The following ROBO1 variants were observed in gnomAD, a reference collection of about 807,000 sequenced individuals.
The protein encoded by ROBO1 is roundabout guidance receptor 1.
ROBO1 carries 149 observed loss-of-function variants against 195.9 expected under a neutral mutation model. That is an observed-to-expected ratio of 0.76 (90% CI 0.67 to 0.87). ROBO1 has a LOEUF of 0.87. Among genes scored for constraint, ROBO1 ranks in the 40% least tolerant of loss-of-function variants. The pLI is 0.00. For synonymous variants in ROBO1, 816 were observed against 733.2 expected (o/e 1.11, Z -1.82); for missense variants, 1,933 against 2,068.3 (o/e 0.93, Z 1.27).
At chr3:78,938,412 T>C in intron 4 of ROBO1, 189 bp downstream of exon 4, 1 of 552,770 alleles carries the variant, frequency 1.8e-6, no homozygotes, top group South Asian at 2.5e-5. Context: ...AAATACCAAT[T>C]TAGCTTGAAT....
intron 2 of ROBO1, among the ~76,000 whole-genome samples, chr3:79,499,098 G>T (rs1483087049): frequency 6.6e-6 from 1 of 152,052 alleles, no homozygotes; most frequent in African/African-American, 2.4e-5. Flanking sequence ...CGGTTCAAGG[G>T]ATTCTCTTGC....
At chr3:79,467,872 C>G (rs927814851) in intron 2 of ROBO1, among the ~76,000 whole-genome samples, 3 of 152,322 alleles carry the variant, frequency 2.0e-5, no homozygotes, top group South Asian at 2.1e-4. Context: ...CCTGCTCCCC[C>G]TCCTGTAAGG....
chr3:79,105,997 G>A (rs1342313428), intron 3 of ROBO1, among the ~76,000 whole-genome samples: 1 of 151,698 alleles, frequency 6.6e-6, no homozygotes, highest in Non-Finnish European at 1.5e-5. Flanking sequence ...GTAAGGTAAT[G>A]TATATATTGA....
chr3:79,610,377 TCTCTCC>T (rs1944620760), intron 1 of ROBO1, among the ~76,000 whole-genome samples: 1 of 151,668 alleles, frequency 6.6e-6, no homozygotes, highest in Non-Finnish European at 1.5e-5. Flanking sequence ...TCTCTCTTTC[TCTCTCC>T]CTCTCTCTCT....
chr3:78,651,781 G>T lies in ROBO1; in HGVS notation c.2763C>A (p.His921Gln). 1.2e-6 allele frequency: 2 copies of T among 1,613,526 alleles called. No individual in the cohort carries two copies. Among genetic ancestry groups the T allele is most frequent in the South Asian group, 2.2e-5 (2 of 91,060 alleles). Residue 921 changes from histidine (H) to glutamine (Q), a missense_variant, in exon 19 of 31, where the codon CAC becomes CAA. Around this residue, in one of 3 missense-constraint regions of ROBO1, gnomAD observed 1,737 missense variants for 1,882.5 expected, o/e 0.92. Coordinates refer to ENST00000464233, the MANE Select transcript of ROBO1 (RefSeq NM_002941.4). Reference sequence around the variant, plus strand: ...TAGTAAGTCCGTTTCTCTTCTTGCGGTGTCGATAAAGCCAGATGCTGAAGA... The same window carrying T: ...TAGTAAGTCCGTTTCTCTTCTTGCGTTGTCGATAAAGCCAGATGCTGAAGA... ...LMVFSIWLYR[H>Q]RKKRNGLTST...
intron 4 of ROBO1, among the ~76,000 whole-genome samples, chr3:78,782,042 T>A (rs2083692002): frequency 6.6e-6 from 1 of 152,200 alleles, no homozygotes; most frequent in Non-Finnish European, 1.5e-5. Context: ...CTGCTCATTT[T>A]GCTAGGCCAA....
chr3:78,664,199 T>C (rs562052306), intron 14 of ROBO1, among the ~76,000 whole-genome samples: 2 of 152,286 alleles, frequency 1.3e-5, no homozygotes, highest in South Asian at 2.1e-4. Context: ...CGTATGACAA[T>C]GTAAAAGGTC....
chr3:78,954,094 T>C lies in ROBO1; in HGVS notation c.173-15167A>G, dbSNP rs562274977. ...TCAACTTAAAATAATTTTCCACTTATACAGGTCTTGGCAAGTTTTGGCACA... is the reference window on the plus strand; with the variant it reads ...TCAACTTAAAATAATTTTCCACTTACACAGGTCTTGGCAAGTTTTGGCACA... On this transcript the variant is annotated intron_variant, in intron 3 of 30. Transcript: ENST00000464233. Among the ~76,000 whole-genome samples the C allele has an allele frequency of 1.0e-3, 159 of 152,010 alleles. 1 individual carries two copies. Among genetic ancestry groups the C allele is most frequent in the Non-Finnish European group, 2.1e-3 (142 of 67,912 alleles).
At chr3:79,568,158 C>A (rs897626301) in intron 2 of ROBO1, among the ~76,000 whole-genome samples, 1 of 151,982 alleles carries the variant, frequency 6.6e-6, no homozygotes, top group Non-Finnish European at 1.5e-5. Context: ...GAAAAAGAAA[C>A]AACCAAATCT....
At chr3:79,140,522 T>C (rs541587360) in intron 2 of ROBO1, among the ~76,000 whole-genome samples, 2 of 152,234 alleles carry the variant, frequency 1.3e-5, no homozygotes, top group East Asian at 3.9e-4. Context: ...ATTAAATAAG[T>C]ACTTATTTAT....
chr3:79,359,604 C>A (rs945066940), intron 2 of ROBO1, among the ~76,000 whole-genome samples: 1 of 151,886 alleles, frequency 6.6e-6, no homozygotes, highest in Non-Finnish European at 1.5e-5. Context: ...TCATTCTAAA[C>A]GCCAGATTTG....
In ROBO1 at chr3:79,129,557, T is replaced by C. The variant is rs757234784; in HGVS notation, c.89-4018A>G. Among the ~76,000 whole-genome samples the C allele has an allele frequency of 5.9e-5, 9 of 152,132 alleles. 1 individual carries two copies. Among genetic ancestry groups the C allele is most frequent in the Non-Finnish European group, 1.2e-4 (8 of 67,992 alleles). ...ATATCTTCCTTTACAGTATAAATTA[T>C]GTCCTCAAGGAAACTTTGTCTTTAA... On this transcript the variant is annotated intron_variant, in intron 2 of 30. Coordinates refer to ENST00000464233, the MANE Select transcript of ROBO1 (RefSeq NM_002941.4).
At chr3:79,347,767 T>C (rs1286946409) in intron 2 of ROBO1, among the ~76,000 whole-genome samples, 1 of 152,090 alleles carries the variant, frequency 6.6e-6, no homozygotes, top group Non-Finnish European at 1.5e-5. Flanking sequence ...TGCTAAGATA[T>C]AACAACAAAT....
At chr3:78,926,779 A>C (rs1234981210) in intron 4 of ROBO1, among the ~76,000 whole-genome samples, 1 of 152,180 alleles carries the variant, frequency 6.6e-6, no homozygotes, top group Non-Finnish European at 1.5e-5. Flanking sequence ...ATCCTCGAGA[A>C]ATGGAATATT....
chr3:78,964,060 G>A (rs2041545571), intron 3 of ROBO1, among the ~76,000 whole-genome samples: 1 of 152,070 alleles, frequency 6.6e-6, no homozygotes, highest in Non-Finnish European at 1.5e-5. Flanking sequence ...CTCTCTCCCA[G>A]CTTCTAGTGG....
At chr3:79,515,324 A>G (rs1001505512) in intron 2 of ROBO1, among the ~76,000 whole-genome samples, 1 of 152,218 alleles carries the variant, frequency 6.6e-6, no homozygotes, top group African/African-American at 2.4e-5. Flanking sequence ...TGGCAGATAT[A>G]ATTGCCAAAA....
intron 2 of ROBO1, among the ~76,000 whole-genome samples, chr3:79,434,979 C>T (rs548982148): frequency 4.6e-5 from 7 of 152,136 alleles, no homozygotes; most frequent in South Asian, 4.1e-4. Flanking sequence ...AACCAAACAC[C>T]GCATGTTCTC....
intron 5 of ROBO1, among the ~76,000 whole-genome samples, chr3:78,727,908 AT>A (rs990155456): frequency 6.6e-6 from 1 of 152,000 alleles, no homozygotes; most frequent in Non-Finnish European, 1.5e-5. Context: ...AAACATGTAT[AT>A]TTTATATATT....
chr3:78,971,747 T>TG (rs1419554297), intron 3 of ROBO1, among the ~76,000 whole-genome samples: 6 of 151,592 alleles, frequency 4.0e-5, no homozygotes, highest in African/African-American at 7.3e-5. Flanking sequence ...AAATATTTTT[T>TG]TTGTTGTTGT....
Sources: allele counts gnomAD v4.1 joint callset (sites outside exome capture counted in the v4.1 genomes callset), GRCh38; gene constraint gnomAD v4.1.1; regional missense constraint gnomAD v4.1.1; transcripts MANE v1.5; gene names NCBI Gene and HGNC (gene_info 2026-07-23, HGNC 2026-07-21).